The following C2orf66 variants were observed in gnomAD, a reference collection of about 807,000 sequenced individuals.
The protein encoded by C2orf66 is uncharacterized protein C2orf66.
C2orf66 carries 6 observed loss-of-function variants against 7.0 expected under a neutral mutation model. That is an observed-to-expected ratio of 0.86 (90% confidence interval 0.47 to 1.69). The LOEUF is 1.69. C2orf66 is among the 40% of genes most tolerant of loss of function. C2orf66 has a pLI of 0.01. For synonymous variants in C2orf66, 38 were observed against 43.8 expected (o/e 0.87, Z 0.52); for missense variants, 107 against 112.0 (o/e 0.96, Z 0.20).
the C2orf66 span, among the ~76,000 whole-genome samples, chr2:196,822,835 G>T: frequency 1.3e-5 from 2 of 152,176 alleles, no homozygotes; most frequent in African/African-American, 2.4e-5. Flanking sequence ...TTCAGTTGGA[G>T]AATTTTAATG....
chr2:196,821,853 T>C, the C2orf66 span, among the ~76,000 whole-genome samples: 9 of 151,480 alleles, frequency 5.9e-5, no homozygotes, highest in Non-Finnish European at 1.2e-4. Flanking sequence ...TTTAGATATT[T>C]TGGGACATAA....
the C2orf66 span, among the ~76,000 whole-genome samples, chr2:196,821,707 T>C: frequency 6.6e-6 from 1 of 152,162 alleles, no homozygotes; most frequent in Non-Finnish European, 1.5e-5. Flanking sequence ...TTTAGCCTAT[T>C]AATAAAGTTA....
chr2:196,815,557 C>T, the C2orf66 span, among the ~76,000 whole-genome samples: 2 of 152,180 alleles, frequency 1.3e-5, no homozygotes, highest in Non-Finnish European at 2.9e-5. Context: ...GGTGCTTCTG[C>T]ACCCAGAGGC....
chr2:196,821,968 A>T, the C2orf66 span, among the ~76,000 whole-genome samples: 3 of 97,432 alleles, frequency 3.1e-5, no homozygotes, highest in East Asian at 1.1e-3. Context: ...TTTGAGACAG[A>T]GTCTTGGCAC....
the C2orf66 span, among the ~76,000 whole-genome samples, chr2:196,826,849 G>A: frequency 1.3e-5 from 2 of 151,984 alleles, no homozygotes; most frequent in African/African-American, 4.8e-5. Context: ...TGGCTAACAT[G>A]GTGAAGCCCC....
chr2:196,812,192 T>G (rs1699883616), upstream of C2orf66, among the ~76,000 whole-genome samples: 1 of 152,190 alleles, frequency 6.6e-6, no homozygotes, highest in African/African-American at 2.4e-5. Flanking sequence ...ACCCTGGAAT[T>G]GTATTACATC....
At chr2:196,811,020 C>T (rs2125759126), upstream of C2orf66, among the ~76,000 whole-genome samples, 2 of 152,332 alleles carry the variant, frequency 1.3e-5, 1 homozygote, top group South Asian at 4.1e-4. Context: ...CCAAGGAAGT[C>T]TTCTGTGAAG....
chr2:196,806,237 A>G (rs570992686), intron 2 of C2orf66, among the ~76,000 whole-genome samples: 56 of 152,182 alleles, frequency 3.7e-4, no homozygotes, highest in African/African-American at 1.3e-3. Flanking sequence ...TCGCTCTGTC[A>G]CCCAGGCTGG....
At chr2:196,826,718 G>A in the C2orf66 span, among the ~76,000 whole-genome samples, 1 of 152,130 alleles carries the variant, frequency 6.6e-6, no homozygotes, top group African/African-American at 2.4e-5. Flanking sequence ...GATAAACTGT[G>A]TTATGTGTAT....
rs151157950 is a variant in C2orf66, at chr2:196,805,979, A to T, written c.*20-571T>A. ...AGTTATACGTTCTTTTTAGAGTAGCAATCATTATTTTTTAATCATCACATT... is the reference window on the plus strand; with the variant it reads ...AGTTATACGTTCTTTTTAGAGTAGCTATCATTATTTTTTAATCATCACATT... On this transcript the variant is annotated intron_variant, in intron 2 of 2. Transcript: ENST00000342506. Among the ~76,000 whole-genome samples the T allele has an allele frequency of 4.5e-3, 687 of 152,314 alleles. 3 individuals are homozygous for T. Among genetic ancestry groups the T allele is most frequent in the Middle Eastern group, 0.014 (4 of 294 alleles).
chr2:196,828,992 A>G, the C2orf66 span, among the ~76,000 whole-genome samples: 5 of 152,182 alleles, frequency 3.3e-5, no homozygotes, highest in Non-Finnish European at 7.3e-5. Flanking sequence ...GAGCAAATAA[A>G]TGGGTGTTGT....
the C2orf66 span, among the ~76,000 whole-genome samples, chr2:196,815,027 C>T: frequency 1.3e-5 from 2 of 152,110 alleles, no homozygotes; most frequent in East Asian, 3.8e-4. Flanking sequence ...TGCAGTGGTA[C>T]AATCACAGCT....
the C2orf66 span, among the ~76,000 whole-genome samples, chr2:196,814,907 G>A: frequency 5.3e-3 from 807 of 152,212 alleles, 7 homozygotes; most frequent in Admixed American, 0.012. Flanking sequence ...TAACACTGGA[G>A]TTTCCCTGAT....
chr2:196,814,357 G>A, the C2orf66 span, among the ~76,000 whole-genome samples: 1 of 152,074 alleles, frequency 6.6e-6, no homozygotes, highest in Non-Finnish European at 1.5e-5. Context: ...TCACTCAATA[G>A]TGGGAGTTGA....
At chr2:196,829,725 G>A in the C2orf66 span, among the ~76,000 whole-genome samples, 7 of 149,748 alleles carry the variant, frequency 4.7e-5, no homozygotes, top group East Asian at 1.2e-3. Context: ...GTGAAACCCC[G>A]TCTCTACTAA....
chr2:196,810,581 A>T (rs753257356), upstream of C2orf66, among the ~76,000 whole-genome samples: 2 of 152,208 alleles, frequency 1.3e-5, no homozygotes, highest in Non-Finnish European at 2.9e-5. Context: ...TAGGCCGAGA[A>T]ATTGGACTTG....
chr2:196,821,585 C>T, the C2orf66 span, among the ~76,000 whole-genome samples: 1 of 152,078 alleles, frequency 6.6e-6, no homozygotes. Flanking sequence ...ATAAGTCAAA[C>T]TATAATTGAA....
At chr2:196,818,890 G>A in the C2orf66 span, among the ~76,000 whole-genome samples, 1 of 152,338 alleles carries the variant, frequency 6.6e-6, no homozygotes, top group East Asian at 1.9e-4. Context: ...TCACAGCTGA[G>A]GTAAAGCTCA....
rs1000763016 is a variant in C2orf66, at chr2:196,806,963, G to A, written c.*19+461C>T. 2.0e-5 allele frequency among the ~76,000 whole-genome samples: 3 copies of A among 152,130 alleles called. No individual in the cohort carries two copies. The South Asian group carries it at 6.2e-4, about 32-fold the overall frequency. On this transcript the variant is annotated intron_variant, in intron 2 of 2. Transcript: ENST00000342506. ...TAGTCAACCTTTTCTTCCTATAGGT[G>A]AGGAAGTTCAAGCTCAAATATATGC...
Sources: gnomAD v4.1 joint callset for allele counts (sites outside exome capture counted in the v4.1 genomes callset) on GRCh38, gnomAD v4.1.1 for gene constraint, MANE v1.5 for transcripts, NCBI Gene and HGNC (gene_info 2026-07-23, HGNC 2026-07-21) for gene names.